Variants in CLCNKB observed in about 807,000 individuals in gnomAD.
CLCNKB encodes chloride channel protein ClC-Kb.
CLCNKB carries 74 observed loss-of-function variants against 83.8 expected under a neutral mutation model. That is an observed-to-expected ratio of 0.88 (90% CI 0.73 to 1.07). The LOEUF is 1.07. CLCNKB is among the 50% of genes least tolerant of loss of function. The probability of loss-of-function intolerance (pLI) is 0.00; values close to 1 mark genes in which losing one functional copy is unlikely to be tolerated. For synonymous variants in CLCNKB, 358 were observed against 356.6 expected (o/e 1.00, Z -0.04); for missense variants, 798 against 893.6 (o/e 0.89, Z 1.36).
chr1:16,047,692 C>T (rs1020567364), intron 4 of CLCNKB, among the ~76,000 whole-genome samples: 1 of 152,106 alleles, frequency 6.6e-6, no homozygotes, highest in Non-Finnish European at 1.5e-5. Context: ...TAACTTGAGC[C>T]CTGGCAACTG....
chr1:16,049,172 C>A lies in CLCNKB; in HGVS notation c.708C>A (p.Tyr236Ter), dbSNP rs201781905. The change falls in exon 8 of 20, where the codon TAC becomes TAA. Residue 236 changes from tyrosine to a stop codon, truncating the protein, a stop_gained. Transcript: ENST00000375679. LOFTEE classifies it high-confidence loss of function. ...CTTCCCACTTCTCTGTCTGGGATTA[C>A]TGGAGGGGCTTCTTTGCGGCCACCT... ...VMSSHFSVWD[Y>*]WRGFFAATCG... 13 of 1,613,392 alleles carry A rather than the reference C, an allele frequency of 8.1e-6. No homozygotes were observed. The highest frequency in any genetic ancestry group is 1.3e-5 in the African/African-American group (1 of 74,922).
chr1:16,056,629 G>A (rs989830548), intron 19 of CLCNKB, 121 bp downstream of exon 19: 53 of 1,138,474 alleles, frequency 4.7e-5, no homozygotes, highest in Non-Finnish European at 6.1e-5. Flanking sequence ...GGGATTCAGA[G>A]GATACTGATG....
intron 1 of CLCNKB, among the ~76,000 whole-genome samples, chr1:16,044,147 G>A (rs2023014732): frequency 6.6e-6 from 1 of 152,048 alleles, no homozygotes; most frequent in African/African-American, 2.4e-5. Flanking sequence ...AGCGCCAAGT[G>A]ACCCAGGAGG....
chr1:16,044,869 C>G (rs1051398477), intron 2 of CLCNKB, among the ~76,000 whole-genome samples: 1 of 152,244 alleles, frequency 6.6e-6, no homozygotes, highest in Non-Finnish European at 1.5e-5. Flanking sequence ...TCTCCCTCAC[C>G]TACCTGTGCC....
chr1:16,045,519 C>A, intron 2 of CLCNKB, 39 bp from the exon 3 acceptor site: 1 of 1,609,718 alleles, frequency 6.2e-7, no homozygotes, highest in Non-Finnish European at 8.5e-7. Flanking sequence ...TCTGTGCCTC[C>A]TGCCCCACCC....
In CLCNKB at chr1:16,055,373, GT is replaced by G; in HGVS notation, c.1757-61del. On this transcript the variant is annotated intron_variant, in intron 16 of 19. Coordinates refer to ENST00000375679, the MANE Select transcript of CLCNKB (RefSeq NM_000085.5). Reference sequence around the variant, plus strand: ...CAGTTCTTGGCTAAGTAGGTGCTAAGTAAATGTGAGTCCCTGTTTCCTCCTA... The same window carrying G: ...CAGTTCTTGGCTAAGTAGGTGCTAAGAAATGTGAGTCCCTGTTTCCTCCTA... 3 of 1,349,656 alleles carry G rather than the reference GT, an allele frequency of 2.2e-6. No homozygotes were observed. The South Asian group carries it at 3.5e-5, about 16-fold the overall frequency. The allele number at this position is 1,349,656 out of a possible 1,614,324, so 83.6% of individuals were successfully genotyped here. A position where few individuals can be genotyped will look rare whatever the true frequency, so the allele number is the denominator to read the frequency against.
At chr1:16,049,022 G>A (rs774322435) in intron 7 of CLCNKB, 98 bp from the exon 8 acceptor site, 1 of 1,610,406 alleles carries the variant, frequency 6.2e-7, no homozygotes, top group South Asian at 1.1e-5. Flanking sequence ...CAGGAGAGCA[G>A]GACAGATGGG....
In CLCNKB at chr1:16,056,922, C is replaced by T. The variant is rs1289556167; in HGVS notation, c.*6C>T. 5.6e-6 allele frequency: 9 copies of T among 1,593,408 alleles called. No homozygotes were observed. Among genetic ancestry groups the T allele is most frequent in the Admixed American group, 1.7e-5 (1 of 59,114 alleles). On this transcript the variant is annotated 3_prime_UTR_variant, in exon 20 of 20. Transcript: ENST00000375679. ...ATCCGCCAGCCCCAAAGTGAGCCGG[C>T]CCAGCAAGATGAAACAGGGCACCCC...
intron 1 of CLCNKB, 103 bp from the exon 2 acceptor site, chr1:16,044,383 A>ACACACAC: frequency 2.0e-4 from 169 of 851,488 alleles, no homozygotes; most frequent in Non-Finnish European, 2.8e-4. Flanking sequence ...ACACACGCAC[A>ACACACAC]ATCTTTCCTC....
intron 3 of CLCNKB, 86 bp downstream of exon 3, chr1:16,045,772 C>T (rs1160491568): frequency 2.3e-5 from 12 of 532,512 alleles, no homozygotes; most frequent in Admixed American, 5.1e-5. Flanking sequence ...CCAGGTGCAG[C>T]GGAGGTTGGG....
chr1:16,046,484 C>T (rs1241022616), intron 3 of CLCNKB, 51 bp from the exon 4 acceptor site: 12 of 1,610,754 alleles, frequency 7.4e-6, no homozygotes, highest in Non-Finnish European at 1.0e-5. Flanking sequence ...GCGTCTGGCC[C>T]CGAGGGCTGC....
intron 3 of CLCNKB, 103 bp downstream of exon 3, chr1:16,045,789 GC>G: frequency 1.7e-6 from 1 of 589,700 alleles, no homozygotes; most frequent in Non-Finnish European, 2.8e-6. Context: ...TGGGGGGGGT[GC>G]TCTGGGTGGG....
chr1:16,044,368 C>CACACACACACACAG, intron 1 of CLCNKB, 118 bp from the exon 2 acceptor site: 1 of 771,898 alleles, frequency 1.3e-6, no homozygotes, highest in Non-Finnish European at 2.2e-6. Flanking sequence ...CACACACACA[C>CACACACACACACAG]ACACACACAC....
At chr1:16,045,785 GGGTGCTCTGGGT>G in intron 3 of CLCNKB, 99 bp downstream of exon 3, 18 of 1,188,530 alleles carry the variant, frequency 1.5e-5, no homozygotes, top group Non-Finnish European at 1.9e-5. Context: ...AGGTTGGGGG[GGGTGCTCTGGGT>G]GGGGATCTGG....
At chr1:16,054,374 A>C (rs34077924) in intron 16 of CLCNKB, among the ~76,000 whole-genome samples, 66,437 of 151,896 alleles carry the variant, frequency 0.44, 15,084 homozygotes, top group East Asian at 0.8. Context: ...CCACAGCTGG[A>C]TTTTGGTCTC....
At chr1:16,054,162 A>G (rs759651822) in intron 16 of CLCNKB, among the ~76,000 whole-genome samples, 2 of 152,170 alleles carry the variant, frequency 1.3e-5, no homozygotes, top group Non-Finnish European at 2.9e-5. Flanking sequence ...TAGAGACAAA[A>G]GCATGGTGGC....
In CLCNKB at chr1:16,047,887, C is replaced by T. The variant is rs1391838572; in HGVS notation, c.359-18C>T. The stretch of plus-strand genomic sequence containing the variant: ...CCTAGAGATTGTCCCCCTCCTGGCC[C>T]TGCCCACCCCCGCCAAGGTTCTGGA... On this transcript the variant is annotated intron_variant, in intron 4 of 19. Transcript: ENST00000375679. 2.5e-6 allele frequency: 4 copies of T among 1,613,096 alleles called. No individual in the cohort carries two copies. Among genetic ancestry groups the T allele is most frequent in the African/African-American group, 1.3e-5 (1 of 74,984 alleles).
intron 3 of CLCNKB, among the ~76,000 whole-genome samples, chr1:16,046,179 T>C (rs2023095175): frequency 6.6e-6 from 1 of 152,196 alleles, no homozygotes; most frequent in Non-Finnish European, 1.5e-5. Flanking sequence ...TGTTACGGTG[T>C]TTGGTGCTTC....
At chr1:16,056,188 G>A (rs1026409117) in intron 18 of CLCNKB, among the ~76,000 whole-genome samples, 4 of 152,146 alleles carry the variant, frequency 2.6e-5, no homozygotes, top group African/African-American at 9.7e-5. Flanking sequence ...CGCCCCCTCT[G>A]TGCTGCTGGA....
Sources: allele counts gnomAD v4.1 joint callset (sites outside exome capture counted in the v4.1 genomes callset), GRCh38; gene constraint gnomAD v4.1.1; transcripts MANE v1.5; gene names NCBI Gene and HGNC (gene_info 2026-07-23, HGNC 2026-07-21).